The following MACROD1 variants were observed in gnomAD, a reference collection of about 807,000 sequenced individuals.
MACROD1 encodes the protein ADP-ribose glycohydrolase MACROD1.
In MACROD1, 31 loss-of-function variants were observed where a neutral mutation model predicts 41.4. The observed-to-expected ratio is 0.75, with a 90% CI of 0.56 to 1.01. The LOEUF is 1.01. MACROD1 is among the 50% of genes least tolerant of loss of function. The pLI is 0.00. For synonymous variants in MACROD1, 252 were observed against 203.4 expected, an observed-to-expected ratio of 1.24 and a Z score of -2.03; for missense variants, 473 against 460.0, an observed-to-expected ratio of 1.03 and a Z score of -0.26.
At chr11:64,093,703 A>G (rs973415414) in intron 3 of MACROD1, among the ~76,000 whole-genome samples, 3 of 152,190 alleles carry the variant, frequency 2.0e-5, no homozygotes, top group Admixed American at 6.5e-5. Flanking sequence ...GTCATGGCCA[A>G]GGTCACTCCC....
chr11:64,115,128 T>G (rs925840546), intron 3 of MACROD1, among the ~76,000 whole-genome samples: 2 of 152,204 alleles, frequency 1.3e-5, no homozygotes, highest in African/African-American at 4.8e-5. Flanking sequence ...AAAGCCTCCG[T>G]GAACCCAGTG....
Position 64,165,868 on chromosome 11 carries a change from C to G in MACROD1, c.127G>C (p.Gly43Arg), listed in dbSNP as rs886618486. 3 of 1,438,844 alleles carry G rather than the reference C, an allele frequency of 2.1e-6. No homozygotes were observed. The highest frequency in any genetic ancestry group is 2.9e-5 in the Admixed American group (1 of 35,026). 89.1% of individuals were successfully genotyped at this position (1,438,844 alleles called of 1,614,324 possible). The change falls in exon 1 of 11, where the codon GGT becomes CGT. Residue 43 changes from glycine to arginine, a missense_variant. By Grantham distance (125) the Gly-to-Arg change is moderately radical. Transcript: ENST00000255681. ...AACACGCCCAGGAACGCCGGGGGAC[C>G]GCACGTGCTGCTGCGGGTCCTCGTG... ...GATRTRSSTCGPPAFLGVFGR... is the reference protein window; with the variant it reads ...GATRTRSSTCRPPAFLGVFGR...
chr11:64,153,553 C>T (rs1180502330), intron 1 of MACROD1, among the ~76,000 whole-genome samples: 1 of 152,178 alleles, frequency 6.6e-6, no homozygotes, highest in Non-Finnish European at 1.5e-5. Flanking sequence ...AGAGTCACTT[C>T]ATCATCCAGG....
intron 3 of MACROD1, among the ~76,000 whole-genome samples, chr11:64,092,384 G>A (rs1687036237): frequency 6.6e-6 from 1 of 152,232 alleles, no homozygotes; most frequent in African/African-American, 2.4e-5. Context: ...CCTGGCAGGG[G>A]TCCTGGGGTG....
rs1356222053 is a variant in MACROD1 at position 64,096,410 on chromosome 11, T to A, written c.517+54829A>T. Among the ~76,000 whole-genome samples, 1 of 150,632 alleles carries A rather than the reference T, an allele frequency of 6.6e-6. No homozygotes were observed. Among genetic ancestry groups the A allele is most frequent in the African/African-American group, 2.4e-5 (1 of 41,120 alleles). On this transcript the variant is annotated intron_variant, in intron 3 of 10. Transcript: ENST00000255681. The surrounding 1 kb of genome is among the most constrained non-coding windows in gnomAD (Gnocchi z 4.6). ...GAGCTGGCAGGCAAGTGGTCGTTCC[T>A]GTCCCCTCTTTTTTTTTTTTGAGAC...
At chr11:64,029,786 T>C (rs1943269991) in intron 3 of MACROD1, among the ~76,000 whole-genome samples, 1 of 152,100 alleles carries the variant, frequency 6.6e-6, no homozygotes, top group African/African-American at 2.4e-5. Context: ...TTGGGATGTG[T>C]GTAACAGGTG....
In MACROD1 at chr11:64,165,943, C is replaced by G. The variant is rs957763249; in HGVS notation, c.52G>C (p.Gly18Arg). The change falls in exon 1 of 11, where the codon GGG becomes CGG. Residue 18 changes from glycine (G) to arginine (R), a missense_variant. By Grantham distance (125) the Gly-to-Arg change is moderately radical (BLOSUM62 -2). Transcript: ENST00000255681. The part of the protein sequence containing the change: ...SGRLAQLRAA[G>R]QLLVPPRPRP... Reference sequence around the variant, plus strand: ...GGGCGCGGGGGGACGAGCAGCTGCCCCGCCGCGCGCAGCTGTGCCAGGCGG... The same window carrying G: ...GGGCGCGGGGGGACGAGCAGCTGCCGCGCCGCGCGCAGCTGTGCCAGGCGG... 1.4e-5 allele frequency: 19 copies of G among 1,317,962 alleles called. No homozygotes were observed. Among genetic ancestry groups the G allele is most frequent in the Non-Finnish European group, 1.7e-5 (18 of 1,040,834 alleles). 81.6% of individuals were successfully genotyped at this position (1,317,962 alleles called of 1,614,324 possible).
At position 64,067,458 on chromosome 11, in the gene MACROD1, G is replaced by A. The variant is rs962495021; in HGVS notation, c.518-52177C>T. 2.0e-5 allele frequency among the ~76,000 whole-genome samples: 3 copies of A among 152,122 alleles called. No individual in the cohort carries two copies. Among genetic ancestry groups the A allele is most frequent in the Admixed American group, 1.3e-4 (2 of 15,282 alleles). ...GGCCCAGGTGACAGCCAGCACAGAC[G>A]CCCAGCTCAGATAACAGAAGGGAGG... is the stretch of plus-strand genomic sequence containing the variant. On this transcript the variant is annotated intron_variant, in intron 3 of 10. Coordinates refer to ENST00000255681, the MANE Select transcript of MACROD1 (RefSeq NM_014067.4). This position sits in a 1 kb window ranked among gnomAD's most constrained non-coding sequence, Gnocchi z 4.6.
At chr11:64,053,975 G>A (rs191526538) in intron 3 of MACROD1, among the ~76,000 whole-genome samples, 2 of 152,136 alleles carry the variant, frequency 1.3e-5, no homozygotes, top group Admixed American at 6.5e-5. Flanking sequence ...TTCCAGCACC[G>A]TGCTGGGCGC....
At chr11:64,111,656 G>A (rs1283983720) in intron 3 of MACROD1, among the ~76,000 whole-genome samples, 1 of 152,214 alleles carries the variant, frequency 6.6e-6, no homozygotes, top group Admixed American at 6.5e-5. Context: ...GCCTGTGAAG[G>A]GGGGTGGGTG....
chr11:64,142,057 G>C (rs2134681701), intron 3 of MACROD1, among the ~76,000 whole-genome samples: 1 of 152,286 alleles, frequency 6.6e-6, no homozygotes, highest in Non-Finnish European at 1.5e-5. Context: ...AACCTCATAA[G>C]GACCTAGAAA....
chr11:64,119,883 G>A (rs1263521988), intron 3 of MACROD1, among the ~76,000 whole-genome samples: 1 of 152,180 alleles, frequency 6.6e-6, no homozygotes, highest in Non-Finnish European at 1.5e-5. Context: ...GGGAGGAAGA[G>A]CGGAGCCTGG....
At chr11:64,093,047 G>A (rs1037595012) in intron 3 of MACROD1, among the ~76,000 whole-genome samples, 1 of 152,194 alleles carries the variant, frequency 6.6e-6, no homozygotes, top group Non-Finnish European at 1.5e-5. Context: ...CCGGAGTGGA[G>A]AGAGGAGTGA....
chr11:64,160,284 G>A (rs1945734250), intron 1 of MACROD1, among the ~76,000 whole-genome samples: 1 of 152,134 alleles, frequency 6.6e-6, no homozygotes, highest in Non-Finnish European at 1.5e-5. Flanking sequence ...CTTTCCCATA[G>A]GGAGAGGAGG....
At chr11:64,014,703 A>T (rs501278) in intron 4 of MACROD1, among the ~76,000 whole-genome samples, 43,460 of 152,074 alleles carry the variant, frequency 0.29, 7,853 homozygotes, top group Non-Finnish European at 0.4. Flanking sequence ...CCTGGCCTGT[A>T]TCCCTTGCGG....
At chr11:64,097,651 G>T (rs1180551993) in intron 3 of MACROD1, among the ~76,000 whole-genome samples, 2 of 152,248 alleles carry the variant, frequency 1.3e-5, no homozygotes, top group Non-Finnish European at 2.9e-5. Context: ...GGCTGGGAGG[G>T]TTCGCACCAC....
chr11:64,008,123 C>A (rs1445903484), intron 4 of MACROD1, among the ~76,000 whole-genome samples: 1 of 152,200 alleles, frequency 6.6e-6, no homozygotes, highest in Admixed American at 6.5e-5. Context: ...GCGAATCCTC[C>A]CGGGCCTGCG....
rs780816804 is a variant in MACROD1, at chr11:64,151,280, C to T, written c.476G>A (p.Ser159Asn). 2 of 1,613,954 alleles carry T rather than the reference C, an allele frequency of 1.2e-6. No individual in the cohort carries two copies. The highest frequency in any genetic ancestry group is 1.7e-6 in the Non-Finnish European group (2 of 1,180,038). ...GTCCACCTCCAGCTTGGTGATGTCG[C>T]TGCGGAGCAGGGAGATTTTCTCATT... ...QLNEKISLLR[S>N]DITKLEVDAI... Residue 159 changes from serine to asparagine, a missense_variant, in exon 3 of 11, where the codon AGC becomes AAC. Coordinates refer to ENST00000255681, the MANE Select transcript of MACROD1 (RefSeq NM_014067.4).
chr11:64,019,786 G>A (rs1462275032), intron 3 of MACROD1, among the ~76,000 whole-genome samples: 4 of 152,214 alleles, frequency 2.6e-5, no homozygotes, highest in Non-Finnish European at 5.9e-5. Flanking sequence ...CTGTGGCGAG[G>A]GGAATGGGGG....
Sources: gnomAD v4.1 joint callset for allele counts (sites outside exome capture counted in the v4.1 genomes callset) on GRCh38, gnomAD v4.1.1 for gene constraint, Gnocchi (gnomAD v3.1) non-coding constraint, MANE v1.5 for transcripts, NCBI Gene and HGNC (gene_info 2026-07-23, HGNC 2026-07-21) for gene names.